The following WDR64 variants were observed in gnomAD, a reference collection of about 807,000 sequenced individuals.
The protein encoded by WDR64 is WD repeat-containing protein 64.
In WDR64, 112 loss-of-function variants were observed where a neutral mutation model predicts 139.3. That is an observed-to-expected ratio of 0.80 (90% confidence interval 0.69 to 0.94). The LOEUF (loss-of-function observed/expected upper bound fraction) is 0.94. Ranked by LOEUF, WDR64 falls within the 40% of genes least tolerant of loss-of-function variation. The probability of loss-of-function intolerance (pLI) is 0.00; values close to 1 mark genes in which losing one functional copy is unlikely to be tolerated. For synonymous variants in WDR64, 444 were observed against 437.7 expected (o/e 1.01, Z -0.18); for missense variants, 1,206 against 1,293.1 (o/e 0.93, Z 1.03).
At chr1:241,794,135 C>T (rs1659287546) in intron 25 of WDR64, among the ~76,000 whole-genome samples, 1 of 151,300 alleles carries the variant, frequency 6.6e-6, no homozygotes, top group African/African-American at 2.4e-5. Flanking sequence ...GAGCTGAGAT[C>T]ACGCCATTGC....
At chr1:241,658,706 C>G (rs1466836101) in intron 1 of WDR64, among the ~76,000 whole-genome samples, 1 of 150,986 alleles carries the variant, frequency 6.6e-6, no homozygotes, top group Non-Finnish European at 1.5e-5. Flanking sequence ...TGAATTCTAC[C>G]AAAGACTCCA....
rs77378912 is a variant in WDR64 at position 241,655,892 on chromosome 1, T to G, written c.145+3263T>G. 5.1e-3 allele frequency among the ~76,000 whole-genome samples: 776 copies of G among 152,260 alleles called. 6 individuals carry two copies. Among genetic ancestry groups the G allele is most frequent in the African/African-American group, 0.018 (737 of 41,536 alleles). On this transcript the variant is annotated intron_variant, in intron 1 of 27. Transcript: ENST00000437684. ...CCTGCTAAAGTTGATATTAATGTGT[T>G]CATTCGTTCCTGCCCCTTATCCTCC... is the stretch of plus-strand genomic sequence containing the variant.
intron 8 of WDR64, among the ~76,000 whole-genome samples, chr1:241,694,009 A>G (rs1434184143): frequency 6.6e-6 from 1 of 152,174 alleles, no homozygotes; most frequent in Non-Finnish European, 1.5e-5. Flanking sequence ...TTAGAGAACA[A>G]CTAAAAGTAG....
At position 241,749,620 on chromosome 1, in the gene WDR64, G is replaced by C; in HGVS notation, c.1668G>C (p.Glu556Asp). Residue 556 changes from glutamate to aspartate, a missense_variant, in exon 14 of 28, where the codon GAG becomes GAC. Transcript: ENST00000437684. The part of the protein sequence containing the change: ...KVLPEGKDWK[E>D]DEHCLRRLIF... ...TGCCGGAGGGGAAAGACTGGAAGGA[G>C]GACGAGCACTGCCTACGACGCCTCA... 6.2e-7 allele frequency: 1 copy of C among 1,614,122 alleles called. No homozygotes were observed. The highest frequency in any genetic ancestry group is 8.5e-7 in the Non-Finnish European group (1 of 1,180,020).
At chr1:241,671,280 T>G (rs1666216827) in intron 3 of WDR64, 104 bp downstream of exon 3, 3 of 818,784 alleles carry the variant, frequency 3.7e-6, no homozygotes, top group Non-Finnish European at 5.7e-6. Context: ...TTTATGTATT[T>G]GTTCAATACT....
intron 10 of WDR64, among the ~76,000 whole-genome samples, chr1:241,723,738 A>G (rs1462329381): frequency 6.7e-6 from 1 of 148,216 alleles, no homozygotes; most frequent in Non-Finnish European, 1.5e-5. Context: ...TTAGGAAAAA[A>G]ATGAGGATTT....
At chr1:241,770,742 C>A (rs1658398937) in intron 18 of WDR64, 52 bp downstream of exon 18, 2 of 1,512,602 alleles carry the variant, frequency 1.3e-6, no homozygotes, top group East Asian at 4.9e-5. Context: ...AATGTTGGTT[C>A]AAAAATAGTG....
intron 2 of WDR64, among the ~76,000 whole-genome samples, chr1:241,665,694 G>A (rs1666001967): frequency 6.6e-6 from 1 of 152,094 alleles, no homozygotes; most frequent in African/African-American, 2.4e-5. Context: ...AAATATGACT[G>A]CCTTAAGTTT....
At chr1:241,788,080 T>C in intron 24 of WDR64, 46 bp downstream of exon 24, 1 of 1,492,226 alleles carries the variant, frequency 6.7e-7, no homozygotes, top group Non-Finnish European at 9.0e-7. Flanking sequence ...AGAATCAAAC[T>C]GTTGAGATGC....
At chr1:241,717,510 A>G (rs900200401) in intron 9 of WDR64, among the ~76,000 whole-genome samples, 3 of 152,116 alleles carry the variant, frequency 2.0e-5, no homozygotes, top group African/African-American at 7.2e-5. Flanking sequence ...AGAGTGATGC[A>G]CTTAGATGAA....
At chr1:241,716,307 C>A (rs568008552) in intron 9 of WDR64, among the ~76,000 whole-genome samples, 5 of 145,204 alleles carry the variant, frequency 3.4e-5, no homozygotes, top group African/African-American at 1.0e-4. Flanking sequence ...AAAGCCAAAC[C>A]AGGACAGAGT....
chr1:241,662,054 C>T (rs572233872), intron 2 of WDR64, among the ~76,000 whole-genome samples: 53 of 152,160 alleles, frequency 3.5e-4, no homozygotes, highest in South Asian at 1.0e-3. Context: ...AAAAAGATGT[C>T]TAATAAGAAT....
At chr1:241,748,339 C>T (rs911608079) in intron 13 of WDR64, among the ~76,000 whole-genome samples, 6 of 152,130 alleles carry the variant, frequency 3.9e-5, no homozygotes, top group African/African-American at 9.7e-5. Flanking sequence ...CTCTCAGTTC[C>T]GGAGGCTGGG....
In WDR64 at chr1:241,776,546, GT is replaced by G. The variant is rs1437014296; in HGVS notation, c.2536+1342del. Reference sequence around the variant, plus strand: ...TCCTGGAGTTTTTTGGGTTTTGTTTGTTTTTTGCTTACCACCAATCCTTTTA... The same window carrying G: ...TCCTGGAGTTTTTTGGGTTTTGTTTGTTTTTGCTTACCACCAATCCTTTTA... On this transcript the variant is annotated intron_variant, in intron 21 of 27. Transcript: ENST00000437684. Among the ~76,000 whole-genome samples the G allele has an allele frequency of 2.6e-5, 4 of 152,010 alleles. No homozygotes were observed. In the East Asian group the frequency reaches 5.8e-4, roughly 22 times the overall value.
chr1:241,707,878 C>T (rs1013080138), intron 8 of WDR64, among the ~76,000 whole-genome samples: 1 of 152,200 alleles, frequency 6.6e-6, no homozygotes, highest in African/African-American at 2.4e-5. Flanking sequence ...AGTGACTTTT[C>T]TAAAGTCATA....
rs1667805007 is a variant in WDR64, at chr1:241,703,400, T to A, written c.975-8402T>A. ...AATTCATGGAACAACAGGAGAAAAGTCTGAGATGAAGCATGTGGTAATTCA... is the reference window on the plus strand; with the variant it reads ...AATTCATGGAACAACAGGAGAAAAGACTGAGATGAAGCATGTGGTAATTCA... On this transcript the variant is annotated intron_variant, in intron 8 of 27. Coordinates refer to ENST00000437684, the MANE Select transcript of WDR64 (RefSeq NM_001367482.1). The surrounding 1 kb of genome is among the most constrained non-coding windows in gnomAD (Gnocchi z 5.9). Among the ~76,000 whole-genome samples the A allele has an allele frequency of 6.6e-6, 1 of 151,994 alleles. No individual in the cohort carries two copies. The highest frequency in any genetic ancestry group is 2.1e-4 in the South Asian group (1 of 4,816).
rs187382226 is a variant in WDR64, at chr1:241,686,607, C to A, written c.840-854C>A. 4.6e-5 allele frequency among the ~76,000 whole-genome samples: 7 copies of A among 152,230 alleles called. No homozygotes were observed. The East Asian group carries it at 1.3e-3, about 29-fold the overall frequency. On this transcript the variant is annotated intron_variant, in intron 7 of 27. Coordinates refer to ENST00000437684, the MANE Select transcript of WDR64 (RefSeq NM_001367482.1). ...CCATTAAATATTGGTAAATATAACA[C>A]CATGAAGACAGAATTTTGAGGCAGA... is the stretch of plus-strand genomic sequence containing the variant.
At chr1:241,765,269 A>C (rs1042284323) in intron 15 of WDR64, among the ~76,000 whole-genome samples, 1 of 152,136 alleles carries the variant, frequency 6.6e-6, no homozygotes, top group Non-Finnish European at 1.5e-5. Context: ...TACCTGTAAA[A>C]TGTCTAAGTA....
chr1:241,766,109 A>C (rs1425729210), intron 15 of WDR64, 109 bp from the exon 16 acceptor site: 6 of 1,008,848 alleles, frequency 5.9e-6, no homozygotes. Flanking sequence ...AATATATATA[A>C]TAAGGCATTT....
Sources: gnomAD v4.1 joint callset for allele counts (sites outside exome capture counted in the v4.1 genomes callset) on GRCh38, gnomAD v4.1.1 for gene constraint, Gnocchi (gnomAD v3.1) non-coding constraint, MANE v1.5 for transcripts, NCBI Gene and HGNC (gene_info 2026-07-23, HGNC 2026-07-21) for gene names.